Variants in DNAH11 observed in about 807,000 individuals in gnomAD.
DNAH11 encodes dynein axonemal heavy chain 11, also known as axonemal beta dynein heavy chain 11.
Under a neutral mutation model 526.0 loss-of-function variants are expected in DNAH11, and 442 were observed. The observed-to-expected ratio is 0.84, with a 90% confidence interval of 0.78 to 0.91. The LOEUF is 0.91. Among genes scored for constraint, DNAH11 ranks in the 40% least tolerant of loss-of-function variants. The probability of loss-of-function intolerance (pLI) is 0.00; values close to 1 mark genes in which losing one functional copy is unlikely to be tolerated. For synonymous variants in DNAH11, 2,461 were observed against 1,935.9 expected (o/e 1.27, Z -7.12); for missense variants, 6,989 against 5,448.7 (o/e 1.28, Z -8.90).
chr7:21,772,066 G>C (rs1267848750), intron 55 of DNAH11, among the ~76,000 whole-genome samples: 1 of 152,156 alleles, frequency 6.6e-6, no homozygotes, highest in East Asian at 1.9e-4. Context: ...GGTCTGTTCT[G>C]GAACGATTAG....
rs1784726627 is a variant in DNAH11, at chr7:21,717,932, C to G, written c.7134+7C>G. On this transcript the variant is annotated splice_region_variant and intron_variant, in intron 43 of 81. Coordinates refer to ENST00000409508, the MANE Select transcript of DNAH11 (RefSeq NM_001277115.2). ...TGAGAGTAGCCTGGTGCAGGTTTGT[C>G]TTCGGTTACGCCATTTAACGTTCTA... The G allele has an allele frequency of 6.2e-7, 1 of 1,609,290 alleles. No homozygotes were observed. The highest frequency in any genetic ancestry group is 8.5e-7 in the Non-Finnish European group (1 of 1,177,002).
At chr7:21,871,221 C>T (rs1227564807) in intron 73 of DNAH11, among the ~76,000 whole-genome samples, 1 of 152,184 alleles carries the variant, frequency 6.6e-6, no homozygotes, top group Non-Finnish European at 1.5e-5. Flanking sequence ...ATCTCACATG[C>T]ACACCAGAAG....
At chr7:21,737,078 A>G (rs537178511) in intron 46 of DNAH11, among the ~76,000 whole-genome samples, 10 of 152,344 alleles carry the variant, frequency 6.6e-5, no homozygotes, top group African/African-American at 2.4e-4. Context: ...GAGGAATAGA[A>G]AGAGCTGTAG....
At chr7:21,854,691 C>T (rs532995732) in intron 68 of DNAH11, among the ~76,000 whole-genome samples, 122 of 152,066 alleles carry the variant, frequency 8.0e-4, no homozygotes, top group African/African-American at 7.7e-4. Context: ...TACAGGAGTG[C>T]GCCACCACAC....
chr7:21,675,675 C>T (rs941613010), intron 30 of DNAH11, among the ~76,000 whole-genome samples: 1 of 152,062 alleles, frequency 6.6e-6, no homozygotes, highest in East Asian at 1.9e-4. Flanking sequence ...TTGTTCATTT[C>T]TTCATCAGTT....
chr7:21,543,420 G>A lies in DNAH11; in HGVS notation c.175G>A (p.Val59Met), dbSNP rs1284215510. The change falls in exon 1 of 82, where the codon GTG becomes ATG. Residue 59 changes from valine to methionine, a missense_variant. By Grantham distance (21) the Val-to-Met change is conservative. Coordinates refer to ENST00000409508, the MANE Select transcript of DNAH11 (RefSeq NM_001277115.2). ...RARSFAQDAR[V>M]RFLGGRLAMM... ...GCGGAGTTTCGCCCAAGACGCGCGG[G>A]TGCGCTTCCTCGGCGGCCGCCTGGC... 1.0e-5 allele frequency: 16 copies of A among 1,555,476 alleles called. No homozygotes were observed. Among genetic ancestry groups the A allele is most frequent in the Non-Finnish European group, 1.3e-5 (15 of 1,148,830 alleles).
At chr7:21,679,543 G>C (rs1583587636) in intron 30 of DNAH11, among the ~76,000 whole-genome samples, 1 of 152,174 alleles carries the variant, frequency 6.6e-6, no homozygotes, top group Non-Finnish European at 1.5e-5. Flanking sequence ...AGCCCAGGGG[G>C]TGGAGAAATA....
intron 30 of DNAH11, among the ~76,000 whole-genome samples, chr7:21,670,283 G>GT (rs1484362806): frequency 6.6e-6 from 1 of 151,818 alleles, no homozygotes; most frequent in Non-Finnish European, 1.5e-5. Context: ...TGGTTGATGT[G>GT]TTTTTTATTC....
rs767528849 is a variant in DNAH11, at chr7:21,744,903, C to T, written c.8350C>T (p.Leu2784Phe). The T allele has an allele frequency of 8.1e-6, 13 of 1,610,982 alleles. No individual in the cohort carries two copies. Among genetic ancestry groups the T allele is most frequent in the African/African-American group, 1.3e-5 (1 of 75,016 alleles). Residue 2784 changes from leucine (L) to phenylalanine (F), a missense_variant, in exon 51 of 82, where the codon CTC (leucine) becomes TTC (phenylalanine). By Grantham distance (22) the Leu-to-Phe change is conservative (BLOSUM62 0). Coordinates refer to ENST00000409508, the MANE Select transcript of DNAH11 (RefSeq NM_001277115.2). ...TAGTCACATGCTGCTTCAACAGCCC[C>T]TCATTTATTGCCACTTTGCTGATAG... ...IDSHMLLQQPLIYCHFADRGK... is the reference protein window; with the variant it reads ...IDSHMLLQQPFIYCHFADRGK...
At chr7:21,837,073 A>G (rs945792080) in intron 65 of DNAH11, among the ~76,000 whole-genome samples, 2 of 133,592 alleles carry the variant, frequency 1.5e-5, no homozygotes, top group Admixed American at 9.1e-5. Flanking sequence ...AATGGATATT[A>G]TCAAAAAGAC....
In DNAH11 at chr7:21,787,497, G is replaced by A. The variant is rs369078097; in HGVS notation, c.9838G>A (p.Glu3280Lys). The change falls in exon 60 of 82, where the codon GAG becomes AAG. Residue 3280 changes from glutamate (E) to lysine (K), a missense_variant. Physicochemically the swap from Glu to Lys is moderately conservative, Grantham distance 56. Transcript: ENST00000409508. ...GAATGAACACTATTTGAAAGACCCAGAGTTTAATCCAAACCTGATTCGAAC... is the reference window on the plus strand; with the variant it reads ...GAATGAACACTATTTGAAAGACCCAAAGTTTAATCCAAACCTGATTCGAAC... ...VVNEHYLKDP[E>K]FNPNLIRTKS... 33 of 1,613,694 alleles carry A rather than the reference G, an allele frequency of 2.0e-5. No homozygotes were observed. The highest frequency in any genetic ancestry group is 2.8e-5 in the Non-Finnish European group (33 of 1,179,788).
At chr7:21,821,009 G>A (rs1238531694) in intron 65 of DNAH11, among the ~76,000 whole-genome samples, 1 of 152,150 alleles carries the variant, frequency 6.6e-6, no homozygotes, top group Non-Finnish European at 1.5e-5. Context: ...CTAAACTTAG[G>A]CAGTGACAGT....
chr7:21,747,915 TGGAATTC>T (rs1253360405), intron 51 of DNAH11, among the ~76,000 whole-genome samples: 1 of 152,252 alleles, frequency 6.6e-6, no homozygotes, highest in African/African-American at 2.4e-5. Flanking sequence ...GGTGCTGATG[TGGAATTC>T]GGATCTTTCT....
chr7:21,613,992 G>A (rs1037418071), intron 20 of DNAH11, among the ~76,000 whole-genome samples: 1 of 150,644 alleles, frequency 6.6e-6, no homozygotes, highest in Non-Finnish European at 1.5e-5. Context: ...GCCCAGGCTG[G>A]TCTCAAACTC....
At chr7:21,669,852 G>A (rs1243915995) in intron 30 of DNAH11, among the ~76,000 whole-genome samples, 9 of 152,058 alleles carry the variant, frequency 5.9e-5, no homozygotes, top group African/African-American at 2.2e-4. Flanking sequence ...ATATACGTAT[G>A]TGGGTCTATT....
rs1292594544 is a variant in DNAH11, at chr7:21,601,376, T to C, written c.3426-20T>C. 1 of 1,594,346 alleles carries C rather than the reference T, an allele frequency of 6.3e-7. No individual in the cohort carries two copies. The highest frequency in any genetic ancestry group is 8.6e-7 in the Non-Finnish European group (1 of 1,167,716). On this transcript the variant is annotated intron_variant, in intron 17 of 81. Transcript: ENST00000409508. ...AATAAACTTAATTTGTGTGTATCTA[T>C]GTACATATATATTTAATAGTCTGAA...
chr7:21,901,394 G>GAAAGTCAGAA lies in DNAH11; in HGVS notation c.*144_*153dup. ...CTTTTTTCAACGCTATCCTTAGAGTGAAAGTCAGAAAAAAATACTAGAAAC... is the reference window on the plus strand; with the variant it reads ...CTTTTTTCAACGCTATCCTTAGAGTGAAAGTCAGAAAAAGTCAGAAAAAAATACTAGAAAC... On this transcript the variant is annotated 3_prime_UTR_variant, in exon 82 of 82. Transcript: ENST00000409508. 1 of 1,208,798 alleles carries GAAAGTCAGAA rather than the reference G, an allele frequency of 8.3e-7. No homozygotes were observed. Among genetic ancestry groups the GAAAGTCAGAA allele is most frequent in the Non-Finnish European group, 1.1e-6 (1 of 931,732 alleles). 74.9% of individuals were successfully genotyped at this position (1,208,798 alleles called of 1,614,324 possible).
intron 71 of DNAH11, 92 bp downstream of exon 71, chr7:21,866,755 C>G: frequency 7.4e-7 from 1 of 1,350,752 alleles, no homozygotes; most frequent in Non-Finnish European, 9.9e-7. Context: ...AAGTGTTTAC[C>G]ATCCATTTTG....
chr7:21,581,868 T>C, intron 8 of DNAH11, 37 bp from the exon 9 acceptor site: 1 of 1,346,412 alleles, frequency 7.4e-7, no homozygotes, highest in Non-Finnish European at 1.1e-6. Context: ...TGTTGGATTA[T>C]TTCCAATATA....
Sources: allele counts gnomAD v4.1 joint callset (sites outside exome capture counted in the v4.1 genomes callset), GRCh38; gene constraint gnomAD v4.1.1; transcripts MANE v1.5; gene names NCBI Gene and HGNC (gene_info 2026-07-23, HGNC 2026-07-21).